EIF4A3: variants seen among roughly 807,000 people sequenced by gnomAD.
The protein encoded by EIF4A3 is eukaryotic translation initiation factor 4A3.
Under a neutral mutation model 55.6 loss-of-function variants are expected in EIF4A3, and 1 was observed. That is an observed-to-expected ratio of 0.02 (90% CI 0.01 to 0.09). The LOEUF (loss-of-function observed/expected upper bound fraction) is 0.09. EIF4A3 is among the 10% of genes least tolerant of loss of function. The pLI is 1.00. For missense variants in EIF4A3, 221 were observed against 540.7 expected (o/e 0.41, Z 5.86); for synonymous variants, 194 against 196.3 (o/e 0.99, Z 0.10).
At chr17:80,139,622 GAACT>G in intron 6 of EIF4A3, 44 bp downstream of exon 6, 2 of 1,514,762 alleles carry the variant, frequency 1.3e-6, no homozygotes, top group Non-Finnish European at 1.8e-6. Context: ...GAAAATTTAA[GAACT>G]AAGAATTATG....
chr17:80,135,482 C>A lies in EIF4A3; in HGVS notation c.*8G>T. ...GAACAGTCTCCCTCATCCCACTGAT[C>A]TGCTGCTTCAGATAAGATCAGCAAC... On this transcript the variant is annotated 3_prime_UTR_variant, in exon 12 of 12. Transcript: ENST00000649764. The A allele has an allele frequency of 6.4e-7, 1 of 1,557,500 alleles. No homozygotes were observed. Among genetic ancestry groups the A allele is most frequent in the East Asian group, 2.4e-5 (1 of 41,902 alleles).
intron 2 of EIF4A3, 44 bp from the exon 3 acceptor site, chr17:80,141,892 C>T (rs781102987): frequency 3.2e-6 from 5 of 1,551,042 alleles, no homozygotes; most frequent in Non-Finnish European, 3.6e-6. Context: ...GGAGGACAGG[C>T]CACGCCACAG....
chr17:80,139,948 A>G, intron 5 of EIF4A3, 60 bp downstream of exon 5: 1 of 1,584,984 alleles, frequency 6.3e-7, no homozygotes, highest in Non-Finnish European at 8.6e-7. Flanking sequence ...GTCCTGTACC[A>G]TTTAAGCACT....
chr17:80,141,399 C>T lies in EIF4A3; in HGVS notation c.310-18G>A, dbSNP rs1469621246. ...TCACGAACCTGGTGAAATAATTTAT[C>T]AGAAAATAGAGAATCCGCAGTATTA... On this transcript the variant is annotated intron_variant, in intron 3 of 11. Transcript: ENST00000649764. 1.2e-6 allele frequency: 2 copies of T among 1,612,436 alleles called. No individual in the cohort carries two copies. The highest frequency in any genetic ancestry group is 2.2e-5 in the South Asian group (2 of 90,976).
chr17:80,144,972 A>C (rs1327208636), intron 1 of EIF4A3, among the ~76,000 whole-genome samples: 3 of 152,248 alleles, frequency 2.0e-5, no homozygotes, highest in Non-Finnish European at 4.4e-5. Flanking sequence ...ATTTTTTGGT[A>C]GTCTCTTAAA....
At position 80,144,467 on chromosome 17, in the gene EIF4A3, T is replaced by A. The variant is rs2304855; in HGVS notation, c.170-223A>T. Among the ~76,000 whole-genome samples, 82,912 of 151,056 alleles carry A rather than the reference T, an allele frequency of 0.55. 22,832 individuals carry two copies. The highest frequency in any genetic ancestry group is 0.65 in the South Asian group (3,078 of 4,772). ...ATTTGTAAAGACCAATCTCTATTTT[T>A]AAAAAACCACCAAATTGTAGAATAT... On this transcript the variant is annotated intron_variant, in intron 1 of 11. Coordinates refer to ENST00000649764, the MANE Select transcript of EIF4A3 (RefSeq NM_014740.4).
intron 2 of EIF4A3, among the ~76,000 whole-genome samples, 178 bp from the exon 3 acceptor site, chr17:80,142,026 T>TC (rs1279566223): frequency 2.6e-5 from 4 of 152,128 alleles, no homozygotes; most frequent in Non-Finnish European, 5.9e-5. Context: ...TTGTTAAGTG[T>TC]CCATGAAGAA....
At chr17:80,137,711 A>G (rs1246050114) in intron 8 of EIF4A3, 4 of 539,396 alleles carry the variant, frequency 7.4e-6, no homozygotes, top group African/African-American at 1.9e-5. Flanking sequence ...CATTTTCTCC[A>G]TATAATGACT....
chr17:80,139,233 G>A (rs2039598563), intron 6 of EIF4A3, 71 bp from the exon 7 acceptor site: 2 of 1,583,266 alleles, frequency 1.3e-6, no homozygotes, highest in Admixed American at 1.8e-5. Flanking sequence ...TGCACGCCCA[G>A]TGTTCCCACT....
In EIF4A3 at chr17:80,141,872, G is replaced by A. The variant is rs768758397; in HGVS notation, c.243-24C>T. The A allele has an allele frequency of 6.8e-6, 11 of 1,608,674 alleles. No homozygotes were observed. The Admixed American group carries it at 8.3e-5, about 12-fold the overall frequency. On this transcript the variant is annotated intron_variant, in intron 2 of 11. Coordinates refer to ENST00000649764, the MANE Select transcript of EIF4A3 (RefSeq NM_014740.4). ...ACCTATTCAAGGAAACAAAAGCAGT[G>A]GGATTAGAGGGAGGACAGGCCACGC... is the stretch of plus-strand genomic sequence containing the variant.
At chr17:80,139,849 T>C in intron 5 of EIF4A3, 99 bp from the exon 6 acceptor site, 1 of 1,488,404 alleles carries the variant, frequency 6.7e-7, no homozygotes, top group Non-Finnish European at 9.2e-7. Context: ...ATCATTCCAC[T>C]GGTCTCAGGG....
rs957102864 is a variant in EIF4A3 at position 80,137,267 on chromosome 17, T to C, written c.983+119A>G. 5 of 835,198 alleles carry C rather than the reference T, an allele frequency of 6.0e-6. No homozygotes were observed. In the African/African-American group the frequency reaches 8.8e-5, roughly 15 times the overall value. The allele number at this position is 835,198 out of a possible 1,614,324, so 51.7% of individuals were successfully genotyped here. On this transcript the variant is annotated intron_variant, in intron 9 of 11. Transcript: ENST00000649764. ...TTCTGCTCACCCAGGGCCTCAGCTT[T>C]CAGAGCAGAAGCTTGGCATCCCCCC...
Position 80,139,018 on chromosome 17 carries a change from T to C in EIF4A3, c.728+3A>G, listed in dbSNP as rs746463899. On this transcript the variant is annotated splice_donor_region_variant and intron_variant, in intron 7 of 11. Transcript: ENST00000649764. ...TAGTAAACTTGACAAGAGGGGCTCC[T>C]ACCGTTTCACCAAGATGCGGATTGG... 30 of 1,613,822 alleles carry C rather than the reference T, an allele frequency of 1.9e-5. No homozygotes were observed. The highest frequency in any genetic ancestry group is 2.5e-5 in the Non-Finnish European group (30 of 1,179,930).
intron 2 of EIF4A3, among the ~76,000 whole-genome samples, chr17:80,143,962 A>T (rs562758901): frequency 2.6e-5 from 4 of 152,244 alleles, no homozygotes; most frequent in Non-Finnish European, 5.9e-5. Context: ...CCTGGGCAAC[A>T]GAGCGAGACT....
Position 80,146,884 on chromosome 17 carries a change from C to T in EIF4A3, c.78G>A (p.Val26=), listed in dbSNP as rs774718351. ...CCACCTCCTCGCTGGTCTCGAATTCCACTTTAGTCATGTCTTCCTCTTTGA... is the reference window on the plus strand; with the variant it reads ...CCACCTCCTCGCTGGTCTCGAATTCTACTTTAGTCATGTCTTCCTCTTTGA... ...RLLKEEDMTK[V]EFETSEEVDV... Residue 26 remains valine (V), a synonymous_variant, in exon 1 of 12, where the codon GTG becomes GTA. Transcript: ENST00000649764. 4 of 1,611,562 alleles carry T rather than the reference C, an allele frequency of 2.5e-6. No individual in the cohort carries two copies. The highest frequency in any genetic ancestry group is 1.3e-5 in the African/African-American group (1 of 74,600).
intron 8 of EIF4A3, 82 bp downstream of exon 8, chr17:80,138,060 C>G: frequency 6.5e-7 from 1 of 1,543,866 alleles, no homozygotes; most frequent in South Asian, 1.2e-5. Context: ...TGGCCCTTTA[C>G]TGAAAAATCT....
At position 80,139,915 on chromosome 17, in the gene EIF4A3, T is replaced by C. The variant is rs557616538; in HGVS notation, c.505+93A>G. On this transcript the variant is annotated intron_variant, in intron 5 of 11. Coordinates refer to ENST00000649764, the MANE Select transcript of EIF4A3 (RefSeq NM_014740.4). ...GTGACCCAGGTGCAAAAGTCTACCG[T>C]GCGGCCTACCAAATCGAAAGCTGTC... The C allele has an allele frequency of 1.2e-5, 18 of 1,551,404 alleles. No individual in the cohort carries two copies. In the East Asian group the frequency reaches 2.5e-4, roughly 21 times the overall value.
chr17:80,141,908 C>T, intron 2 of EIF4A3, 60 bp from the exon 3 acceptor site: 1 of 1,437,764 alleles, frequency 7.0e-7, no homozygotes. Flanking sequence ...CACAGCTGCA[C>T]TCCAAGGCCT....
Position 80,146,962 on chromosome 17 carries a change from G to T in EIF4A3, c.-1C>A, listed in dbSNP as rs1176035991. ...TCGCCATCGTGGCCGTGGTCGCCAT[G>T]ATTCAGAGTCCGCGGAAGAGCACAG... On this transcript the variant is annotated 5_prime_UTR_variant, in exon 1 of 12. Coordinates refer to ENST00000649764, the MANE Select transcript of EIF4A3 (RefSeq NM_014740.4). The T allele has an allele frequency of 1.9e-6, 3 of 1,604,266 alleles. No individual in the cohort carries two copies. The highest frequency in any genetic ancestry group is 2.5e-6 in the Non-Finnish European group (3 of 1,177,506).
Sources: gnomAD v4.1 joint callset for allele counts (sites outside exome capture counted in the v4.1 genomes callset) on GRCh38, gnomAD v4.1.1 for gene constraint, MANE v1.5 for transcripts, NCBI Gene and HGNC (gene_info 2026-07-23, HGNC 2026-07-21) for gene names.